The following ADAM7 variants were observed in gnomAD, a reference collection of about 807,000 sequenced individuals.
The protein encoded by ADAM7 is ADAM metallopeptidase domain 7.
A neutral mutation model predicts 102.9 loss-of-function variants in ADAM7; 97 were observed. The observed-to-expected ratio is 0.94, with a 90% CI of 0.80 to 1.12. ADAM7 has a LOEUF of 1.12. ADAM7 is among the 50% of genes most tolerant of loss of function. The pLI, the probability that ADAM7 is intolerant of heterozygous loss-of-function variation, is 0.00. For missense variants in ADAM7, 991 were observed against 908.7 expected (o/e 1.09, Z -1.16); for synonymous variants, 334 against 304.4 (o/e 1.10, Z -1.01).
At chr8:24,455,079 C>T (rs1181723086) in intron 3 of ADAM7, among the ~76,000 whole-genome samples, 1 of 151,996 alleles carries the variant, frequency 6.6e-6, no homozygotes, top group Non-Finnish European at 1.5e-5. Flanking sequence ...TATTTCAAAA[C>T]AACCACAAAA....
At chr8:24,453,971 T>C (rs1585859453) in intron 3 of ADAM7, among the ~76,000 whole-genome samples, 2 of 152,316 alleles carry the variant, frequency 1.3e-5, no homozygotes, top group Admixed American at 6.5e-5. Flanking sequence ...AGCGGACTTT[T>C]GTGAACCGCG....
At chr8:24,507,803 G>A (rs1821003066) in intron 21 of ADAM7, among the ~76,000 whole-genome samples, 2 of 152,104 alleles carry the variant, frequency 1.3e-5, no homozygotes, top group East Asian at 3.9e-4. Context: ...TACAGGTTAG[G>A]AATAACGAAA....
rs368461387 is a variant in ADAM7, at chr8:24,504,063, T to TAAAATAAAATAAAATA, written c.2208+2490_2208+2491insATAAAATAAAATAAAA. On this transcript the variant is annotated intron_variant, in intron 20 of 21. Transcript: ENST00000175238. ...TAAAATAAAATAAAATAAAATAAAA[T>TAAAATAAAATAAAATA]AAATAAAATAAAAAAACTGAGTGGC... 2.2e-3 allele frequency among the ~76,000 whole-genome samples: 259 copies of TAAAATAAAATAAAATA among 118,404 alleles called. 1 individual carries two copies. The highest frequency in any genetic ancestry group is 7.2e-3 in the African/African-American group (248 of 34,482). The allele number at this position is 118,404 out of a possible 152,430, so 77.7% of individuals were successfully genotyped here. A position where few individuals can be genotyped will look rare whatever the true frequency, so the allele number is the denominator to read the frequency against.
intron 3 of ADAM7, among the ~76,000 whole-genome samples, chr8:24,454,663 G>A (rs939723092): frequency 2.6e-5 from 4 of 152,076 alleles, no homozygotes; most frequent in Non-Finnish European, 4.4e-5. Flanking sequence ...TGCACCCACT[G>A]TCCTGCGCCC....
chr8:24,464,007 C>T lies in ADAM7; in HGVS notation c.312+47C>T, dbSNP rs199523762. The T allele has an allele frequency of 2.6e-6, 4 of 1,535,218 alleles. No individual in the cohort carries two copies. In the African/African-American group the frequency reaches 5.5e-5, roughly 21 times the overall value. On this transcript the variant is annotated intron_variant, in intron 4 of 21. Coordinates refer to ENST00000175238, the MANE Select transcript of ADAM7 (RefSeq NM_003817.4). ...TGTCTCTTCTCTAAAAGCAGTATTT[C>T]CTGATGTGATTTTGAAACCCTGTTC...
At chr8:24,505,429 C>G (rs1820918128) in intron 20 of ADAM7, among the ~76,000 whole-genome samples, 1 of 152,066 alleles carries the variant, frequency 6.6e-6, no homozygotes, top group Non-Finnish European at 1.5e-5. Context: ...ATGATATTAA[C>G]AGAGATAGGA....
chr8:24,501,001 C>A, intron 19 of ADAM7, 106 bp downstream of exon 19: 1 of 916,978 alleles, frequency 1.1e-6, no homozygotes. Context: ...AAGCTTCTTA[C>A]TGAAGATCAG....
At chr8:24,480,080 G>A (rs1187132069) in intron 8 of ADAM7, among the ~76,000 whole-genome samples, 2 of 152,142 alleles carry the variant, frequency 1.3e-5, no homozygotes, top group Non-Finnish European at 2.9e-5. Context: ...AGTGTGGAGT[G>A]CAATGATTAC....
At chr8:24,460,557 A>G (rs899372366) in intron 3 of ADAM7, among the ~76,000 whole-genome samples, 10 of 151,856 alleles carry the variant, frequency 6.6e-5, no homozygotes, top group African/African-American at 1.9e-4. Context: ...GACTCTCTAC[A>G]TTAGATTTAA....
chr8:24,481,662 G>C (rs1020967169), intron 8 of ADAM7, among the ~76,000 whole-genome samples: 3 of 152,150 alleles, frequency 2.0e-5, no homozygotes, highest in Non-Finnish European at 2.9e-5. Flanking sequence ...TAAATAAAAA[G>C]GTAGTTACAA....
In ADAM7 at chr8:24,487,182, A is replaced by T. The variant is rs750435071; in HGVS notation, c.961-5A>T. The T allele has an allele frequency of 7.4e-6, 12 of 1,613,046 alleles. No homozygotes were observed. In the African/African-American group the frequency reaches 8.0e-5, roughly 11 times the overall value. On this transcript the variant is annotated splice_region_variant and splice_polypyrimidine_tract_variant and intron_variant, in intron 10 of 21. Transcript: ENST00000175238. The stretch of plus-strand genomic sequence containing the variant: ...AAATTTCTAATGCAATTGTTTTATC[A>T]TCAGGATCTTTTACCTGACACAAAC...
In ADAM7 at chr8:24,441,070, C is replaced by T. The variant is rs201903383; in HGVS notation, c.-39C>T. On this transcript the variant is annotated 5_prime_UTR_variant, in exon 1 of 22. Coordinates refer to ENST00000175238, the MANE Select transcript of ADAM7 (RefSeq NM_003817.4). ...GGAGGAAGAAAGGTGAACTCCTTTT[C>T]TCAAGCACTTCTGCTCTCCTCTACC... 3.1e-5 allele frequency: 49 copies of T among 1,591,184 alleles called. No homozygotes were observed. Among genetic ancestry groups the T allele is most frequent in the Admixed American group, 2.3e-4 (14 of 59,936 alleles).
At chr8:24,446,963 A>G (rs1818583024) in intron 2 of ADAM7, among the ~76,000 whole-genome samples, 1 of 150,840 alleles carries the variant, frequency 6.6e-6, no homozygotes, top group Admixed American at 6.6e-5. Flanking sequence ...ATTCTAATAT[A>G]ACTAGAAGAA....
At chr8:24,481,411 T>G (rs1819947602) in intron 8 of ADAM7, among the ~76,000 whole-genome samples, 1 of 152,210 alleles carries the variant, frequency 6.6e-6, no homozygotes, top group African/African-American at 2.4e-5. Flanking sequence ...GTGTTGATAG[T>G]TTATCATTCA....
chr8:24,471,643 T>TG (rs1819608844), intron 7 of ADAM7, among the ~76,000 whole-genome samples: 1 of 152,126 alleles, frequency 6.6e-6, no homozygotes, highest in African/African-American at 2.4e-5. Flanking sequence ...GTTATAACAT[T>TG]TAGGTTTGTG....
intron 9 of ADAM7, among the ~76,000 whole-genome samples, chr8:24,484,954 C>A (rs943666291): frequency 6.6e-6 from 1 of 151,774 alleles, no homozygotes; most frequent in Non-Finnish European, 1.5e-5. Context: ...TACAGGTGTG[C>A]ACCACCATGC....
chr8:24,506,293 A>G (rs1820948588), intron 20 of ADAM7: 2 of 711,890 alleles, frequency 2.8e-6, no homozygotes, highest in East Asian at 2.8e-5. Context: ...GGAGGTAGAA[A>G]TGGGACACTC....
At chr8:24,493,342 T>C in intron 16 of ADAM7, 113 bp downstream of exon 16, 7 of 922,332 alleles carry the variant, frequency 7.6e-6, no homozygotes, top group Non-Finnish European at 1.1e-5. Flanking sequence ...GGAAAAAATA[T>C]TGACAAGTAT....
At position 24,492,517 on chromosome 8, in the gene ADAM7, C is replaced by T. The variant is rs1163510043; in HGVS notation, c.1575C>T (p.Ile525=). 6.2e-7 allele frequency: 1 copy of T among 1,610,466 alleles called. No individual in the cohort carries two copies. Among genetic ancestry groups the T allele is most frequent in the East Asian group, 2.2e-5 (1 of 44,774 alleles). ...FDDEAIESHD[I]CYKMNTKGNK... is the part of the protein sequence containing the mutation. The stretch of plus-strand genomic sequence containing the variant: ...CAGAGGCAATAGAGAGTCATGATAT[C>T]TGCTACAAGATGAATACAAAAGGAA... Residue 525 remains isoleucine (I), a synonymous_variant, in exon 15 of 22, where the codon ATC becomes ATT. Transcript: ENST00000175238.
Sources: allele counts gnomAD v4.1 joint callset (sites outside exome capture counted in the v4.1 genomes callset), GRCh38; gene constraint gnomAD v4.1.1; transcripts MANE v1.5; gene names NCBI Gene and HGNC (gene_info 2026-07-23, HGNC 2026-07-21).